Variants in GRID1 observed in about 807,000 individuals in gnomAD.
GRID1 encodes the protein glutamate ionotropic receptor delta type subunit 1, also known as glutamate receptor ionotropic, delta-1.
A neutral mutation model predicts 98.0 loss-of-function variants in GRID1; 28 were observed. That is an observed-to-expected ratio of 0.29 (90% CI 0.21 to 0.39). The LOEUF (loss-of-function observed/expected upper bound fraction) is 0.39. Among genes scored for constraint, GRID1 ranks in the 10% least tolerant of loss-of-function variants. GRID1 has a pLI of 1.00. For synonymous variants in GRID1, 553 were observed against 538.5 expected (o/e 1.03, Z -0.37); for missense variants, 1,111 against 1,340.5 (o/e 0.83, Z 2.67).
chr10:85,983,113 A>T (rs1344951572), intron 4 of GRID1, among the ~76,000 whole-genome samples: 1 of 152,202 alleles, frequency 6.6e-6, no homozygotes, highest in Non-Finnish European at 1.5e-5. Flanking sequence ...CATGGCCTGG[A>T]CACAGGTCTC....
intron 8 of GRID1, among the ~76,000 whole-genome samples, chr10:85,731,864 G>A (rs548450521): frequency 2.2e-5 from 3 of 137,036 alleles, no homozygotes; most frequent in Admixed American, 2.1e-4. Flanking sequence ...AGAAAGGGAG[G>A]GAGGAAGGGA....
In GRID1 at chr10:86,237,010, G is replaced by A. The variant is rs563308865; in HGVS notation, c.236-30362C>T. ...AACTTCTAATTCCATGGGCAGGCACGACACAGTCCTCTGCTTCTGCTTCCA... is the reference window on the plus strand; with the variant it reads ...AACTTCTAATTCCATGGGCAGGCACAACACAGTCCTCTGCTTCTGCTTCCA... On this transcript the variant is annotated intron_variant, in intron 2 of 15. Transcript: ENST00000327946. Among the ~76,000 whole-genome samples, 8 of 152,194 alleles carry A rather than the reference G, an allele frequency of 5.3e-5. No homozygotes were observed. The East Asian group carries it at 5.8e-4, about 11-fold the overall frequency.
intron 12 of GRID1, among the ~76,000 whole-genome samples, chr10:85,704,318 C>A (rs1841489273): frequency 6.6e-6 from 1 of 152,098 alleles, no homozygotes; most frequent in South Asian, 2.1e-4. Context: ...GGGTTGCAAT[C>A]CTAGTCTCTG....
intron 4 of GRID1, among the ~76,000 whole-genome samples, chr10:85,934,010 C>T (rs1444395727): frequency 6.6e-6 from 1 of 152,086 alleles, no homozygotes; most frequent in Non-Finnish European, 1.5e-5. Context: ...TCCTAGGTAC[C>T]CTGTCCTCAG....
intron 3 of GRID1, among the ~76,000 whole-genome samples, chr10:86,166,753 A>G (rs1365982648): frequency 1.3e-5 from 2 of 152,202 alleles, no homozygotes; most frequent in Non-Finnish European, 2.9e-5. Flanking sequence ...AGCAGAATGC[A>G]GTTCCCCTCA....
chr10:86,264,717 G>T lies in GRID1; in HGVS notation c.236-58069C>A, dbSNP rs764067057. 2.7e-5 allele frequency: 13 copies of T among 483,442 alleles called. 1 individual carries two copies. Among genetic ancestry groups the T allele is most frequent in the South Asian group, 2.0e-4 (13 of 65,384 alleles). 29.9% of individuals were successfully genotyped at this position (483,442 alleles called of 1,614,324 possible). On this transcript the variant is annotated intron_variant, in intron 2 of 15. Coordinates refer to ENST00000327946, the MANE Select transcript of GRID1 (RefSeq NM_017551.3). ...AGCCGCTCTGCCCAGGCAGCTGCAG[G>T]CCCAGCCCCTGCCTCCTTCAGAGCA...
intron 2 of GRID1, among the ~76,000 whole-genome samples, chr10:86,225,083 G>A (rs1419604467): frequency 1.3e-5 from 2 of 152,198 alleles, no homozygotes; most frequent in Non-Finnish European, 2.9e-5. Context: ...AGAAAGCATC[G>A]ATTTTGCCCT....
chr10:86,173,889 T>C (rs2131995396), intron 3 of GRID1, among the ~76,000 whole-genome samples: 1 of 152,198 alleles, frequency 6.6e-6, no homozygotes, highest in Admixed American at 6.5e-5. Context: ...TCCATGTCCC[T>C]ACAAAGGACA....
chr10:85,604,115 C>T (rs893170784), intron 15 of GRID1, among the ~76,000 whole-genome samples: 1 of 152,164 alleles, frequency 6.6e-6, no homozygotes, highest in African/African-American at 2.4e-5. Context: ...AAAGGGTCAA[C>T]TCAGTGTTCC....
intron 4 of GRID1, among the ~76,000 whole-genome samples, chr10:86,092,192 G>C (rs1844159916): frequency 6.6e-6 from 1 of 152,170 alleles, no homozygotes; most frequent in Non-Finnish European, 1.5e-5. Context: ...AATCAGGGAA[G>C]GACCAGAGAA....
intron 3 of GRID1, among the ~76,000 whole-genome samples, chr10:86,148,833 C>G (rs530564966): frequency 1.3e-5 from 2 of 152,278 alleles, no homozygotes; most frequent in South Asian, 4.2e-4. Flanking sequence ...GCCCTGCTCC[C>G]CCAGGGGTGC....
chr10:85,970,402 C>T (rs899839714), intron 4 of GRID1, among the ~76,000 whole-genome samples: 15 of 151,444 alleles, frequency 9.9e-5, no homozygotes, highest in Admixed American at 5.9e-4. Flanking sequence ...TTATGAATAT[C>T]GGCACAAAAA....
At chr10:85,616,267 C>T (rs1419848186) in intron 14 of GRID1, among the ~76,000 whole-genome samples, 8 of 152,216 alleles carry the variant, frequency 5.3e-5, no homozygotes, top group Admixed American at 5.2e-4. Context: ...GTCTATTTTA[C>T]ATCTCAAAGA....
At chr10:86,289,281 G>A (rs1244079394) in intron 2 of GRID1, among the ~76,000 whole-genome samples, 1 of 152,184 alleles carries the variant, frequency 6.6e-6, no homozygotes, top group African/African-American at 2.4e-5. Context: ...ACTGAGTGAG[G>A]AAGAGGGGAA....
At chr10:86,178,523 G>A (rs1293806817) in intron 3 of GRID1, among the ~76,000 whole-genome samples, 1 of 152,170 alleles carries the variant, frequency 6.6e-6, no homozygotes, top group African/African-American at 2.4e-5. Context: ...TCATGAGGGT[G>A]TTAGGCCCAG....
intron 4 of GRID1, among the ~76,000 whole-genome samples, chr10:85,956,404 A>G (rs1379621118): frequency 6.6e-6 from 1 of 152,232 alleles, no homozygotes; most frequent in Non-Finnish European, 1.5e-5. Context: ...TAAGCTGCCA[A>G]TGCTCATTCC....
intron 4 of GRID1, among the ~76,000 whole-genome samples, chr10:86,061,997 T>C (rs1259972890): frequency 6.6e-6 from 1 of 152,164 alleles, no homozygotes; most frequent in Non-Finnish European, 1.5e-5. Flanking sequence ...TAGACACCCC[T>C]ATGGACATCA....
intron 13 of GRID1, among the ~76,000 whole-genome samples, chr10:85,635,326 T>C (rs1225011634): frequency 6.6e-6 from 1 of 152,036 alleles, no homozygotes; most frequent in East Asian, 1.9e-4. Context: ...AGCAAGGAGT[T>C]ATAAAGGGGC....
intron 4 of GRID1, among the ~76,000 whole-genome samples, chr10:86,116,711 C>A (rs925104366): frequency 6.6e-6 from 1 of 152,290 alleles, no homozygotes; most frequent in Non-Finnish European, 1.5e-5. Flanking sequence ...CCCCCCACCA[C>A]CACCATTTAT....
Sources: allele counts gnomAD v4.1 joint callset (sites outside exome capture counted in the v4.1 genomes callset), GRCh38; gene constraint gnomAD v4.1.1; transcripts MANE v1.5; gene names NCBI Gene and HGNC (gene_info 2026-07-23, HGNC 2026-07-21).